SDK1: variants seen among roughly 807,000 people sequenced by gnomAD.
SDK1 encodes sidekick cell adhesion molecule 1, also known as protein sidekick-1.
Under a neutral mutation model 245.5 loss-of-function variants are expected in SDK1, and 157 were observed. The observed-to-expected ratio is 0.64, with a 90% CI of 0.56 to 0.73. The LOEUF is 0.73. Ranked by LOEUF, SDK1 falls within the 30% of genes least tolerant of loss-of-function variation. The pLI is 0.00. For synonymous variants in SDK1, 1,647 were observed against 1,278.5 expected (o/e 1.29, Z -6.15); for missense variants, 3,583 against 3,002.3 (o/e 1.19, Z -4.52).
chr7:3,417,694 C>G (rs1779412962), intron 1 of SDK1, among the ~76,000 whole-genome samples: 1 of 152,110 alleles, frequency 6.6e-6, no homozygotes, highest in South Asian at 2.1e-4. Flanking sequence ...TAACAGTCTT[C>G]TTTGCATTGT....
chr7:4,196,078 A>G (rs2694592), intron 35 of SDK1, among the ~76,000 whole-genome samples: 33,605 of 152,076 alleles, frequency 0.22, 3,826 homozygotes, highest in Middle Eastern at 0.4. Context: ...AAGTATCGTT[A>G]TGTCCAAGCC....
At chr7:3,510,825 A>G (rs1782554980) in intron 1 of SDK1, among the ~76,000 whole-genome samples, 1 of 152,212 alleles carries the variant, frequency 6.6e-6, no homozygotes, top group South Asian at 2.1e-4. Flanking sequence ...TTCTCTGTAG[A>G]TGTAAATTAC....
intron 1 of SDK1, among the ~76,000 whole-genome samples, chr7:3,373,109 C>T (rs1163127365): frequency 1.3e-5 from 2 of 152,086 alleles, no homozygotes; most frequent in Non-Finnish European, 1.5e-5. Context: ...GGCGCTATGT[C>T]CTTATAAACT....
At chr7:4,048,826 A>G (rs1789221809) in intron 17 of SDK1, among the ~76,000 whole-genome samples, 3 of 152,240 alleles carry the variant, frequency 2.0e-5, no homozygotes, top group Admixed American at 2.0e-4. Context: ...AACTGTGGAA[A>G]ATCCAAAAAT....
At chr7:4,089,087 G>A (rs924668096) in intron 22 of SDK1, among the ~76,000 whole-genome samples, 22 of 140,160 alleles carry the variant, frequency 1.6e-4, no homozygotes, top group African/African-American at 5.4e-4. Context: ...TCCCTCAGGC[G>A]GAGGTAAGAC....
At chr7:3,345,691 T>C (rs1780473150) in intron 1 of SDK1, among the ~76,000 whole-genome samples, 1 of 152,028 alleles carries the variant, frequency 6.6e-6, no homozygotes, top group African/African-American at 2.4e-5. Context: ...CTCAGCGTTA[T>C]CTGTTTTCCC....
chr7:4,225,264 G>A (rs1185377553), intron 40 of SDK1, among the ~76,000 whole-genome samples: 1 of 152,146 alleles, frequency 6.6e-6, no homozygotes, highest in Admixed American at 6.5e-5. Context: ...GCTCTCCGTT[G>A]TTTCTTACAA....
chr7:4,210,298 T>C, intron 38 of SDK1, 136 bp downstream of exon 38: 1 of 978,492 alleles, frequency 1.0e-6, no homozygotes. Flanking sequence ...GGTTTTGGAA[T>C]CTGAGCTGGA....
At chr7:3,580,968 CAAAA>C (rs60617574) in intron 1 of SDK1, among the ~76,000 whole-genome samples, 20 of 24,890 alleles carry the variant, frequency 8.0e-4, no homozygotes, top group Non-Finnish European at 1.0e-3. Context: ...GACTCCATCT[CAAAA>C]AAAAAAAAAA....
At chr7:3,403,866 TA>T (rs1778975719) in intron 1 of SDK1, among the ~76,000 whole-genome samples, 1 of 115,726 alleles carries the variant, frequency 8.6e-6, no homozygotes, top group Non-Finnish European at 1.8e-5. Context: ...TATATATATA[TA>T]TAATATATAT....
chr7:3,701,414 C>G (rs184241852), intron 4 of SDK1, among the ~76,000 whole-genome samples: 2 of 152,104 alleles, frequency 1.3e-5, no homozygotes, highest in East Asian at 3.9e-4. Context: ...ATATCAAAAT[C>G]GTAGCAAGAC....
rs534561537 is a variant in SDK1, at chr7:3,831,410, C to T, written c.847+9827C>T. Among the ~76,000 whole-genome samples, 4 of 152,226 alleles carry T rather than the reference C, an allele frequency of 2.6e-5. No individual in the cohort carries two copies. The South Asian group carries it at 6.2e-4, about 24-fold the overall frequency. On this transcript the variant is annotated intron_variant, in intron 5 of 44. Coordinates refer to ENST00000404826, the MANE Select transcript of SDK1 (RefSeq NM_152744.4). Reference sequence around the variant, plus strand: ...TTCTGAAGCTGCTAATTAAGAAACACCTGTTTAATTTCCCTTCCTTCAGAA... The same window carrying T: ...TTCTGAAGCTGCTAATTAAGAAACATCTGTTTAATTTCCCTTCCTTCAGAA...
rs192062601 is a variant in SDK1 at position 4,009,884 on chromosome 7, G to T, written c.2132-1082G>T. 9.2e-5 allele frequency among the ~76,000 whole-genome samples: 14 copies of T among 152,324 alleles called. No individual in the cohort carries two copies. In the East Asian group the frequency reaches 2.5e-3, roughly 27 times the overall value. ...GCTGGAGTGCATTTCCAATGAGCTC[G>T]CAGGCGCAGACTTACGAATCCCCGC... On this transcript the variant is annotated intron_variant, in intron 14 of 44. Transcript: ENST00000404826.
At chr7:3,391,643 T>TC (rs1781759022) in intron 1 of SDK1, among the ~76,000 whole-genome samples, 3 of 150,892 alleles carry the variant, frequency 2.0e-5, no homozygotes, top group South Asian at 4.2e-4. Flanking sequence ...TGATTTTTTT[T>TC]TTTTTTTTTT....
intron 4 of SDK1, among the ~76,000 whole-genome samples, chr7:3,735,217 A>G (rs1040683122): frequency 6.6e-6 from 1 of 152,170 alleles, no homozygotes. Flanking sequence ...CATTTTATAT[A>G]TAATTCAATA....
At chr7:3,707,019 TA>T (rs1488543277) in intron 4 of SDK1, among the ~76,000 whole-genome samples, 3 of 152,210 alleles carry the variant, frequency 2.0e-5, no homozygotes, top group African/African-American at 4.8e-5. Flanking sequence ...GTTTCATTGA[TA>T]TTTTGTTTTT....
intron 1 of SDK1, among the ~76,000 whole-genome samples, chr7:3,337,515 AAGAC>A (rs1216171935): frequency 1.3e-5 from 2 of 152,224 alleles, no homozygotes; most frequent in African/African-American, 4.8e-5. Context: ...AATTTGGTGA[AAGAC>A]AGAAAGCTGT....
At chr7:3,882,648 C>G (rs754446104) in intron 5 of SDK1, among the ~76,000 whole-genome samples, 16 of 152,052 alleles carry the variant, frequency 1.1e-4, no homozygotes, top group African/African-American at 3.9e-4. Flanking sequence ...ATTGTTGGAG[C>G]GTGTTTCACC....
At position 3,454,851 on chromosome 7, in the gene SDK1, A is replaced by G. The variant is rs1463610822; in HGVS notation, c.298+152967A>G. On this transcript the variant is annotated intron_variant, in intron 1 of 44. Coordinates refer to ENST00000404826, the MANE Select transcript of SDK1 (RefSeq NM_152744.4). The stretch of plus-strand genomic sequence containing the variant: ...TCCATTTCTCTAGGATCTGTGCCCA[A>G]GTGTGTAATTGCTGGGTTGTATAGT... 2.0e-5 allele frequency among the ~76,000 whole-genome samples: 3 copies of G among 152,154 alleles called. 1 individual carries two copies. The highest frequency in any genetic ancestry group is 1.3e-4 in the Admixed American group (2 of 15,262).
Sources: gnomAD v4.1 joint callset for allele counts (sites outside exome capture counted in the v4.1 genomes callset) on GRCh38, gnomAD v4.1.1 for gene constraint, MANE v1.5 for transcripts, NCBI Gene and HGNC (gene_info 2026-07-23, HGNC 2026-07-21) for gene names.